The following BLK variants were observed in gnomAD, a reference collection of about 807,000 sequenced individuals.
The protein encoded by BLK is BLK proto-oncogene, Src family tyrosine kinase.
Under a neutral mutation model 61.8 loss-of-function variants are expected in BLK, and 64 were observed. The ratio of observed to expected loss-of-function variants is 1.03; its 90% CI spans 0.85 to 1.27. BLK has a LOEUF of 1.27. Ranked by LOEUF, BLK falls within the 50% of genes most tolerant of loss-of-function variation. The pLI is 0.00. For missense variants in BLK, 853 were observed against 660.5 expected, an observed-to-expected ratio of 1.29 and a Z score of -3.19; for synonymous variants, 351 against 272.0, an observed-to-expected ratio of 1.29 and a Z score of -2.86.
At chr8:11,539,025 T>C (rs1469654278) in intron 1 of BLK, among the ~76,000 whole-genome samples, 1 of 152,082 alleles carries the variant, frequency 6.6e-6, no homozygotes, top group African/African-American at 2.4e-5. Context: ...GAAAATACTT[T>C]GGTGGGACCT....
intron 1 of BLK, among the ~76,000 whole-genome samples, chr8:11,496,753 C>T (rs940011400): frequency 1.3e-5 from 2 of 152,206 alleles, no homozygotes; most frequent in African/African-American, 2.4e-5. Context: ...TACAGAATTC[C>T]AGCCAGGAAT....
intron 1 of BLK, among the ~76,000 whole-genome samples, chr8:11,530,873 G>C (rs532411860): frequency 2.0e-5 from 3 of 152,258 alleles, no homozygotes; most frequent in South Asian, 4.1e-4. Flanking sequence ...ATTTCTCTTT[G>C]ATAAGCAACA....
At chr8:11,552,478 G>A (rs2117514583) in intron 6 of BLK, 1 of 152,122 alleles carries the variant, frequency 6.6e-6, no homozygotes, top group Admixed American at 6.5e-5. Context: ...AAATAATTTG[G>A]GAATCACTGG....
At chr8:11,507,417 G>A (rs1299072205) in intron 1 of BLK, among the ~76,000 whole-genome samples, 6 of 152,346 alleles carry the variant, frequency 3.9e-5, no homozygotes, top group South Asian at 2.1e-4. Flanking sequence ...CCCAGGGGAC[G>A]GGCCTGTCAT....
intron 10 of BLK, among the ~76,000 whole-genome samples, chr8:11,559,322 C>G (rs1469377071): frequency 1.6e-5 from 2 of 127,042 alleles, no homozygotes; most frequent in Non-Finnish European, 3.9e-5. Flanking sequence ...CATAAAAACA[C>G]AGACTCACAC....
chr8:11,555,752 C>A (rs943699818), intron 8 of BLK: 3 of 542,782 alleles, frequency 5.5e-6, no homozygotes, highest in Middle Eastern at 5.2e-4. Context: ...TCGTTCTCTG[C>A]CTGAAGCTGG....
chr8:11,521,270 A>G (rs1799436148), intron 1 of BLK, among the ~76,000 whole-genome samples: 1 of 152,184 alleles, frequency 6.6e-6, no homozygotes, highest in Admixed American at 6.5e-5. Context: ...AAAAGATTTA[A>G]TTTTCACCTT....
chr8:11,524,903 C>G (rs1218504991), intron 1 of BLK, among the ~76,000 whole-genome samples: 1 of 136,434 alleles, frequency 7.3e-6, no homozygotes, highest in Non-Finnish European at 1.5e-5. Flanking sequence ...ATAATGATCC[C>G]ATTTTGCTTT....
intron 3 of BLK, among the ~76,000 whole-genome samples, chr8:11,546,881 A>T (rs1390901388): frequency 2.0e-5 from 3 of 151,828 alleles, no homozygotes; most frequent in Non-Finnish European, 4.4e-5. Flanking sequence ...TGGCCCCTAG[A>T]CTCCACTTCT....
At chr8:11,510,028 C>G (rs1338452569) in intron 1 of BLK, 1 of 152,178 alleles carries the variant, frequency 6.6e-6, no homozygotes, top group Non-Finnish European at 1.5e-5. Context: ...TGTGTGAACT[C>G]TATCACCATT....
chr8:11,559,327 TCACA>T lies in BLK; in HGVS notation c.1029+1297_1029+1300del, dbSNP rs35419225. The stretch of plus-strand genomic sequence containing the variant: ...CTCTCACACACATAAAAACACAGAC[TCACA>T]CACACACGGACAAACACAAACACAT... On this transcript the variant is annotated intron_variant, in intron 10 of 12. Coordinates refer to ENST00000259089, the MANE Select transcript of BLK (RefSeq NM_001715.3). Among the ~76,000 whole-genome samples, 16 of 150,778 alleles carry T rather than the reference TCACA, an allele frequency of 1.1e-4. No homozygotes were observed. The East Asian group carries it at 2.9e-3, about 28-fold the overall frequency.
At chr8:11,504,390 A>C (rs77650457) in intron 1 of BLK, among the ~76,000 whole-genome samples, 134 of 82,314 alleles carry the variant, frequency 1.6e-3, no homozygotes, top group Non-Finnish European at 2.6e-3. Context: ...AGAAAAGAAA[A>C]GAAAAGAAAA....
At chr8:11,537,274 T>C (rs926771569) in intron 1 of BLK, among the ~76,000 whole-genome samples, 5 of 152,090 alleles carry the variant, frequency 3.3e-5, no homozygotes, top group Non-Finnish European at 1.5e-5. Context: ...CTGGGAGAAT[T>C]TGGAATTCTG....
At chr8:11,515,556 T>A (rs982435647) in intron 1 of BLK, among the ~76,000 whole-genome samples, 1 of 152,226 alleles carries the variant, frequency 6.6e-6, no homozygotes, top group Non-Finnish European at 1.5e-5. Context: ...CTTCCTTTGC[T>A]GCAGCCCTCA....
In BLK at chr8:11,546,048, C is replaced by G; in HGVS notation, c.124-4C>G. On this transcript the variant is annotated splice_region_variant and splice_polypyrimidine_tract_variant and intron_variant, in intron 2 of 12. Transcript: ENST00000259089. ...ATAACTCAAGTGTGTGTTTTCTACC[C>G]AAGGTTGTCTTCAACCACCTTACTC... The G allele has an allele frequency of 6.2e-7, 1 of 1,614,110 alleles. No individual in the cohort carries two copies. The highest frequency in any genetic ancestry group is 1.1e-5 in the South Asian group (1 of 91,074).
chr8:11,564,174 C>T lies in BLK; in HGVS notation c.*66C>T. ...GACGACCCCGACTTCCGTGCCATCC[C>T]AGACGGGCCGCGAAGGCGGGGTGTC... is the stretch of plus-strand genomic sequence containing the variant. On this transcript the variant is annotated 3_prime_UTR_variant, in exon 13 of 13. Coordinates refer to ENST00000259089, the MANE Select transcript of BLK (RefSeq NM_001715.3). The T allele has an allele frequency of 6.6e-7, 1 of 1,512,424 alleles. No individual in the cohort carries two copies. The highest frequency in any genetic ancestry group is 8.9e-7 in the Non-Finnish European group (1 of 1,127,330). The allele number at this position is 1,512,424 out of a possible 1,614,324, so 93.7% of individuals were successfully genotyped here.
At chr8:11,501,178 T>G (rs1184221623) in intron 1 of BLK, among the ~76,000 whole-genome samples, 1 of 152,180 alleles carries the variant, frequency 6.6e-6, no homozygotes, top group Non-Finnish European at 1.5e-5. Context: ...CACTCCAGCT[T>G]GGACGACAGA....
chr8:11,531,905 C>T (rs1311019790), intron 1 of BLK, among the ~76,000 whole-genome samples: 4 of 152,202 alleles, frequency 2.6e-5, no homozygotes, highest in African/African-American at 9.7e-5. Flanking sequence ...GTTGCCCAGG[C>T]TGGAGTGCAG....
rs139885562 is a variant in BLK, at chr8:11,538,857, T to A, written c.-1-4367T>A. The stretch of plus-strand genomic sequence containing the variant: ...GCAGGCTGGCCCTGGCTCCAGGCCT[T>A]ATGCTCCTCTGTTGCTGGGCAAATC... On this transcript the variant is annotated intron_variant, in intron 1 of 12. Transcript: ENST00000259089. 4.0e-3 allele frequency among the ~76,000 whole-genome samples: 609 copies of A among 152,354 alleles called. 5 individuals carry two copies. The highest frequency in any genetic ancestry group is 0.013 in the African/African-American group (561 of 41,584).
Sources: allele counts gnomAD v4.1 joint callset (sites outside exome capture counted in the v4.1 genomes callset), GRCh38; gene constraint gnomAD v4.1.1; transcripts MANE v1.5; gene names NCBI Gene and HGNC (gene_info 2026-07-23, HGNC 2026-07-21).